The following FRMD6 variants were observed in gnomAD, a reference collection of about 807,000 sequenced individuals.
FRMD6 encodes the protein FERM domain containing 6.
Under a neutral mutation model 73.2 loss-of-function variants are expected in FRMD6, and 37 were observed. The observed-to-expected ratio is 0.51, with a 90% CI of 0.39 to 0.66. FRMD6 has a LOEUF of 0.66. Ranked by LOEUF, FRMD6 falls within the 30% of genes least tolerant of loss-of-function variation. The probability of loss-of-function intolerance (pLI) is 0.00; values close to 1 mark genes in which losing one functional copy is unlikely to be tolerated. For missense variants in FRMD6, 714 were observed against 780.5 expected (o/e 0.91, Z 1.02); for synonymous variants, 273 against 282.2 (o/e 0.97, Z 0.33).
Position 51,690,050 on chromosome 14 carries a change from G to T in FRMD6, c.99+115G>T, listed in dbSNP as rs964176709. The T allele has an allele frequency of 8.1e-6, 6 of 738,370 alleles. No homozygotes were observed. The African/African-American group carries it at 1.0e-4, about 13-fold the overall frequency. The allele number at this position is 738,370 out of a possible 1,614,324, so 45.7% of individuals were successfully genotyped here. On this transcript the variant is annotated intron_variant, in intron 2 of 13. Coordinates refer to ENST00000344768, the MANE Select transcript of FRMD6 (RefSeq NM_001267046.2). ...TACAGAATTAGGGCAGTAATCATGT[G>T]GCAGAATTGGGTTGTCAAATAGTCC... is the stretch of plus-strand genomic sequence containing the variant.
At chr14:51,660,861 G>A (rs1360784099) in intron 1 of FRMD6, among the ~76,000 whole-genome samples, 1 of 152,146 alleles carries the variant, frequency 6.6e-6, no homozygotes, top group African/African-American at 2.4e-5. Context: ...GCCACACAGA[G>A]CTAGCTGGGG....
chr14:51,453,624 G>A, the FRMD6 span, among the ~76,000 whole-genome samples: 3 of 152,130 alleles, frequency 2.0e-5, no homozygotes, highest in Admixed American at 2.0e-4. Context: ...ATTCTCTTTA[G>A]AATTGAAGGA....
intron 1 of FRMD6, among the ~76,000 whole-genome samples, chr14:51,530,750 A>T (rs892875956): frequency 6.6e-6 from 1 of 151,992 alleles, no homozygotes; most frequent in Non-Finnish European, 1.5e-5. Flanking sequence ...GCCTCCCAAC[A>T]TGCTGGGATT....
chr14:51,641,955 T>C (rs1891832500), intron 2 of FRMD6, among the ~76,000 whole-genome samples: 1 of 152,104 alleles, frequency 6.6e-6, no homozygotes. Context: ...CCACTAGAAG[T>C]GACAAAATAT....
chr14:51,683,644 C>T lies in FRMD6; in HGVS notation c.-146-6047C>T, dbSNP rs567690946. 1.2e-4 allele frequency among the ~76,000 whole-genome samples: 18 copies of T among 152,122 alleles called. No individual in the cohort carries two copies. The South Asian group carries it at 3.7e-3, about 32-fold the overall frequency. On this transcript the variant is annotated intron_variant, in intron 1 of 13. Transcript: ENST00000344768. The stretch of plus-strand genomic sequence containing the variant: ...CACCCAAATAACCTGATAGCTAATA[C>T]TTATATCCATTATCTCATTTAACCC...
intron 2 of FRMD6, among the ~76,000 whole-genome samples, chr14:51,640,385 T>C (rs1406864665): frequency 1.3e-5 from 2 of 152,222 alleles, no homozygotes; most frequent in Non-Finnish European, 2.9e-5. Context: ...CAACTACCTG[T>C]ATGTCATGAA....
At chr14:51,633,760 A>G (rs1891433890) in intron 2 of FRMD6, among the ~76,000 whole-genome samples, 2 of 152,208 alleles carry the variant, frequency 1.3e-5, no homozygotes, top group African/African-American at 4.8e-5. Context: ...ACCCAAATAT[A>G]AGTTCCTTAG....
At chr14:51,492,031 T>C (rs995150485) in intron 1 of FRMD6, among the ~76,000 whole-genome samples, 1 of 152,230 alleles carries the variant, frequency 6.6e-6, no homozygotes, top group African/African-American at 2.4e-5. Context: ...GTGCATCTTG[T>C]TCTTTCCTTG....
intron 2 of FRMD6, among the ~76,000 whole-genome samples, chr14:51,590,190 C>T (rs1889312109): frequency 6.6e-6 from 1 of 150,540 alleles, no homozygotes; most frequent in Non-Finnish European, 1.5e-5. Flanking sequence ...AAATTGAAAA[C>T]ATTTTTTACC....
intron 2 of FRMD6, among the ~76,000 whole-genome samples, chr14:51,645,270 T>C (rs928847581): frequency 2.0e-5 from 3 of 152,218 alleles, no homozygotes; most frequent in Non-Finnish European, 2.9e-5. Flanking sequence ...TTCAAGGTAC[T>C]GTCTTCCTTT....
chr14:51,511,498 A>G (rs1427272391), intron 1 of FRMD6, among the ~76,000 whole-genome samples: 1 of 152,252 alleles, frequency 6.6e-6, no homozygotes, highest in Non-Finnish European at 1.5e-5. Context: ...TTTACAAGCC[A>G]TCAATGCTCA....
intron 1 of FRMD6, among the ~76,000 whole-genome samples, chr14:51,533,759 A>G (rs1271652363): frequency 6.6e-6 from 1 of 152,214 alleles, no homozygotes; most frequent in African/African-American, 2.4e-5. Flanking sequence ...CCTTAGACCC[A>G]GGTTTCCTGT....
chr14:51,472,302 T>TATA, the FRMD6 span, among the ~76,000 whole-genome samples: 1 of 151,854 alleles, frequency 6.6e-6, no homozygotes, highest in Non-Finnish European at 1.5e-5. Flanking sequence ...TTATTATTAT[T>TATA]ATAATAATAA....
chr14:51,457,020 C>T, the FRMD6 span, among the ~76,000 whole-genome samples: 2 of 152,124 alleles, frequency 1.3e-5, no homozygotes, highest in Non-Finnish European at 2.9e-5. Flanking sequence ...AATATTGGCC[C>T]ATAGGCAAAA....
At chr14:51,546,134 A>G (rs1566805149) in intron 1 of FRMD6, among the ~76,000 whole-genome samples, 1 of 152,220 alleles carries the variant, frequency 6.6e-6, no homozygotes, top group Non-Finnish European at 1.5e-5. Flanking sequence ...GTGATAAATC[A>G]TAGAATTCCT....
chr14:51,533,336 G>T (rs772261314), intron 1 of FRMD6, among the ~76,000 whole-genome samples: 1 of 152,122 alleles, frequency 6.6e-6, no homozygotes, highest in African/African-American at 2.4e-5. Flanking sequence ...TCTTAGAGTG[G>T]TTTGATTTCC....
chr14:51,557,162 G>A (rs968092947), intron 1 of FRMD6, among the ~76,000 whole-genome samples: 1 of 151,716 alleles, frequency 6.6e-6, no homozygotes, highest in East Asian at 1.9e-4. Flanking sequence ...AAGGAAGGAA[G>A]GAAATGAGCA....
chr14:51,611,966 T>C (rs1415577451), intron 2 of FRMD6, among the ~76,000 whole-genome samples: 1 of 152,046 alleles, frequency 6.6e-6, no homozygotes, highest in Non-Finnish European at 1.5e-5. Context: ...ATCACAAATA[T>C]GTCAAAGAAA....
At chr14:51,432,964 A>G in the FRMD6 span, among the ~76,000 whole-genome samples, 1 of 152,212 alleles carries the variant, frequency 6.6e-6, no homozygotes, top group Non-Finnish European at 1.5e-5. Flanking sequence ...TTAAACATGA[A>G]ACTTGTTCAC....
Sources: allele counts gnomAD v4.1 joint callset (sites outside exome capture counted in the v4.1 genomes callset), GRCh38; gene constraint gnomAD v4.1.1; transcripts MANE v1.5; gene names NCBI Gene and HGNC (gene_info 2026-07-23, HGNC 2026-07-21).